NOP58: variants seen among roughly 807,000 people sequenced by gnomAD.
The protein encoded by NOP58 is NOP58 ribonucleoprotein.
In NOP58, 44 loss-of-function variants were observed where a neutral mutation model predicts 71.2. The observed-to-expected ratio is 0.62, with a 90% CI of 0.49 to 0.79. NOP58 has a LOEUF of 0.79. Among genes scored for constraint, NOP58 ranks in the 30% least tolerant of loss-of-function variants. The pLI, the probability that NOP58 is intolerant of heterozygous loss-of-function variation, is 0.00. For synonymous variants in NOP58, 228 were observed against 200.3 expected (o/e 1.14, Z -1.17); for missense variants, 538 against 620.2 (o/e 0.87, Z 1.41).
At chr2:202,275,222 T>TG (rs1688572963) in intron 2 of NOP58, 33 bp downstream of exon 2, 1 of 1,077,382 alleles carries the variant, frequency 9.3e-7, no homozygotes, top group Non-Finnish European at 1.4e-6. Flanking sequence ...ATTTAGCAGT[T>TG]AACATTTAGG....
intron 5 of NOP58, among the ~76,000 whole-genome samples, chr2:202,285,342 T>C (rs1266662502): frequency 3.7e-4 from 31 of 84,696 alleles, no homozygotes; most frequent in African/African-American, 2.9e-3. Flanking sequence ...ACACCCGGCA[T>C]TTTTTTTTTT....
chr2:202,269,088 A>G (rs1043335072), intron 1 of NOP58, among the ~76,000 whole-genome samples: 1 of 151,374 alleles, frequency 6.6e-6, no homozygotes, highest in Non-Finnish European at 1.5e-5. Context: ...CTCCTGGGTC[A>G]AGTGATCCTC....
In NOP58 at chr2:202,290,358, T is replaced by C; in HGVS notation, c.535T>C (p.Tyr179His). 6.2e-7 allele frequency: 1 copy of C among 1,608,718 alleles called. No homozygotes were observed. Among genetic ancestry groups the C allele is most frequent in the Non-Finnish European group, 8.5e-7 (1 of 1,176,560 alleles). Reference protein sequence around the residue: ...LDDLDKELNNYIMRCREWYGW... With the variant: ...LDDLDKELNNHIMRCREWYGW... ...TGACTTGGATAAAGAACTAAACAAC[T>C]ACATTATGCGATGTAGAGAATGGTA... is the stretch of plus-strand genomic sequence containing the variant. Residue 179 changes from tyrosine (Y) to histidine (H), a missense_variant, in exon 7 of 15, where the codon TAC (tyrosine) becomes CAC (histidine). By Grantham distance (83) the Tyr-to-His change is moderately conservative. Coordinates refer to ENST00000264279, the MANE Select transcript of NOP58 (RefSeq NM_015934.5).
At chr2:202,283,500 G>T (rs1688740437) in intron 4 of NOP58, among the ~76,000 whole-genome samples, 1 of 149,768 alleles carries the variant, frequency 6.7e-6, no homozygotes, top group Non-Finnish European at 1.5e-5. Context: ...AAGTGCATTG[G>T]CTCAGTCTTG....
chr2:202,292,728 TG>T (rs771974918), intron 8 of NOP58, 48 bp from the exon 9 acceptor site: 2 of 1,500,720 alleles, frequency 1.3e-6, no homozygotes, highest in Non-Finnish European at 1.9e-6. Flanking sequence ...GAATTTTTAC[TG>T]TTTTTACTCA....
At chr2:202,293,448 T>A (rs1688939439) in intron 9 of NOP58, among the ~76,000 whole-genome samples, 1 of 152,258 alleles carries the variant, frequency 6.6e-6, no homozygotes, top group Admixed American at 6.5e-5. Context: ...TATGCTATAA[T>A]TAAAATGCTA....
At chr2:202,277,486 A>G (rs567356086) in intron 2 of NOP58, among the ~76,000 whole-genome samples, 5 of 152,012 alleles carry the variant, frequency 3.3e-5, no homozygotes, top group Non-Finnish European at 7.4e-5. Flanking sequence ...AAAAAAAAAA[A>G]CAAAAAACCA....
At chr2:202,274,385 C>G (rs1487349634) in intron 1 of NOP58, among the ~76,000 whole-genome samples, 1 of 149,748 alleles carries the variant, frequency 6.7e-6, no homozygotes, top group Non-Finnish European at 1.5e-5. Flanking sequence ...TGCCACCACG[C>G]CCAGCTAATT....
intron 9 of NOP58, among the ~76,000 whole-genome samples, chr2:202,294,903 T>C (rs1490839430): frequency 4.0e-5 from 6 of 151,274 alleles, no homozygotes; most frequent in African/African-American, 1.2e-4. Context: ...AGGCGGAGGA[T>C]GCAGTGAGCC....
intron 2 of NOP58, among the ~76,000 whole-genome samples, chr2:202,276,019 C>G (rs373176656): frequency 5.4e-4 from 82 of 152,234 alleles, no homozygotes; most frequent in African/African-American, 1.6e-3. Context: ...AGTATGTTCC[C>G]TTACCAGATA....
At chr2:202,298,686 A>G (rs1689038454) in intron 12 of NOP58, among the ~76,000 whole-genome samples, 2 of 152,214 alleles carry the variant, frequency 1.3e-5, no homozygotes, top group African/African-American at 4.8e-5. Context: ...TGTAAAAAGT[A>G]TAAAGACAGA....
At chr2:202,282,914 A>G (rs2105844716) in intron 4 of NOP58, among the ~76,000 whole-genome samples, 1 of 152,238 alleles carries the variant, frequency 6.6e-6, no homozygotes, top group East Asian at 1.9e-4. Flanking sequence ...CAAATACAGA[A>G]AGCAGAACAA....
rs891074195 is a variant in NOP58, at chr2:202,288,313, C to T, written c.499+589C>T. ...CAGCCTGACCAACATGGAGAAATCC[C>T]GTCTCTACTAAAAATACAAAATTAA... On this transcript the variant is annotated intron_variant, in intron 6 of 14. Coordinates refer to ENST00000264279, the MANE Select transcript of NOP58 (RefSeq NM_015934.5). Among the ~76,000 whole-genome samples the T allele has an allele frequency of 4.0e-5, 6 of 149,726 alleles. No homozygotes were observed. In the East Asian group the frequency reaches 1.0e-3, roughly 25 times the overall value.
At chr2:202,279,935 G>C (rs1472399801) in intron 3 of NOP58, among the ~76,000 whole-genome samples, 1 of 152,202 alleles carries the variant, frequency 6.6e-6, no homozygotes, top group Non-Finnish European at 1.5e-5. Flanking sequence ...CGCTAGCAAA[G>C]TATACAGCTA....
intron 4 of NOP58, among the ~76,000 whole-genome samples, chr2:202,284,075 A>C (rs935236688): frequency 6.6e-6 from 1 of 151,896 alleles, no homozygotes; most frequent in African/African-American, 2.4e-5. Flanking sequence ...TGAGGTCAGG[A>C]GTTTGAGACC....
At chr2:202,277,737 T>C (rs1407804197) in intron 2 of NOP58, among the ~76,000 whole-genome samples, 2 of 152,188 alleles carry the variant, frequency 1.3e-5, no homozygotes, top group African/African-American at 4.8e-5. Flanking sequence ...CCTACAACTT[T>C]CTTTTAATAA....
chr2:202,283,444 A>T (rs1688739131), intron 4 of NOP58, among the ~76,000 whole-genome samples: 1 of 134,844 alleles, frequency 7.4e-6, no homozygotes, highest in South Asian at 2.4e-4. Context: ...CCAACCTGTA[A>T]TTTTTTTTTT....
chr2:202,286,099 G>A (rs1688780827), intron 5 of NOP58, among the ~76,000 whole-genome samples: 1 of 149,180 alleles, frequency 6.7e-6, no homozygotes, highest in African/African-American at 2.5e-5. Flanking sequence ...GGAGAATGGC[G>A]TGAACCCGGG....
chr2:202,266,777 G>T, intron 1 of NOP58, among the ~76,000 whole-genome samples: 1 of 152,196 alleles, frequency 6.6e-6, no homozygotes, highest in Non-Finnish European at 1.5e-5. Flanking sequence ...AACAAATATC[G>T]ATAGAAATTG....
Sources: allele counts gnomAD v4.1 joint callset (sites outside exome capture counted in the v4.1 genomes callset), GRCh38; gene constraint gnomAD v4.1.1; transcripts MANE v1.5; gene names NCBI Gene and HGNC (gene_info 2026-07-23, HGNC 2026-07-21).